ADA: variants seen among roughly 807,000 people sequenced by gnomAD.
The protein encoded by ADA is adenosine deaminase, also known as adenosine aminohydrolase.
In ADA, 45 loss-of-function variants were observed where a neutral mutation model predicts 49.0. The observed-to-expected ratio is 0.92, with a 90% confidence interval of 0.72 to 1.18. ADA has a LOEUF of 1.18. Among genes scored for constraint, ADA ranks in the 50% most tolerant of loss-of-function variants. The pLI, the probability that ADA is intolerant of heterozygous loss-of-function variation, is 0.00. For synonymous variants in ADA, 173 were observed against 184.2 expected (o/e 0.94, Z 0.49); for missense variants, 445 against 472.5 (o/e 0.94, Z 0.54).
intron 10 of ADA, 55 bp from the exon 11 acceptor site, chr20:44,620,456 C>T: frequency 6.9e-7 from 1 of 1,445,242 alleles, no homozygotes; most frequent in South Asian, 1.1e-5. Context: ...GAAGGCAGCT[C>T]TTAGCAATGT....
intron 3 of ADA, among the ~76,000 whole-genome samples, chr20:44,628,557 A>AAATG (rs2065404047): frequency 7.0e-6 from 1 of 142,422 alleles, no homozygotes; most frequent in African/African-American, 2.7e-5. Context: ...ATAAATAAAT[A>AAATG]AATAAAGCAG....
chr20:44,648,691 G>C (rs897853142), intron 1 of ADA, among the ~76,000 whole-genome samples: 5 of 151,926 alleles, frequency 3.3e-5, no homozygotes, highest in Non-Finnish European at 1.5e-5. Flanking sequence ...TCTTGAACCT[G>C]GTGCTATATC....
chr20:44,620,842 G>T, intron 10 of ADA, 176 bp downstream of exon 10: 1 of 849,420 alleles, frequency 1.2e-6, no homozygotes, highest in Non-Finnish European at 1.9e-6. Flanking sequence ...CCTGGTCCTA[G>T]GTCAGGACGT....
chr20:44,644,170 C>A (rs199802398), intron 1 of ADA, among the ~76,000 whole-genome samples: 1 of 2,888 alleles, frequency 3.5e-4, no homozygotes, highest in Non-Finnish European at 1.1e-3. Flanking sequence ...GAGGTAGACG[C>A]CCTGCTCGCC....
At chr20:44,642,612 G>A (rs2065547458) in intron 1 of ADA, among the ~76,000 whole-genome samples, 1 of 152,118 alleles carries the variant, frequency 6.6e-6, no homozygotes, top group South Asian at 2.1e-4. Flanking sequence ...TGGAGAGGGG[G>A]CAGGGAGATT....
intron 1 of ADA, among the ~76,000 whole-genome samples, chr20:44,642,632 G>A (rs574952545): frequency 5.3e-5 from 8 of 152,248 alleles, no homozygotes; most frequent in South Asian, 2.1e-4. Context: ...TGCAGAGGCC[G>A]AAGCAAAGGG....
chr20:44,649,551 G>C (rs984626185), intron 1 of ADA, among the ~76,000 whole-genome samples: 6 of 151,832 alleles, frequency 4.0e-5, no homozygotes, highest in Admixed American at 2.6e-4. Context: ...TGATCTGCCA[G>C]CTTGAATCAG....
chr20:44,645,779 A>C (rs1318171427), intron 1 of ADA, among the ~76,000 whole-genome samples: 1 of 152,164 alleles, frequency 6.6e-6, no homozygotes, highest in Non-Finnish European at 1.5e-5. Context: ...GGCACCGTGA[A>C]GTTAAATGAC....
intron 2 of ADA, chr20:44,636,011 T>C (rs1419236616): frequency 1.7e-6 from 1 of 587,566 alleles, no homozygotes. Context: ...AGGACAAGAC[T>C]CAGAGGCCCA....
At chr20:44,626,430 T>C in intron 4 of ADA, 26 bp downstream of exon 4, 1 of 1,613,168 alleles carries the variant, frequency 6.2e-7, no homozygotes, top group Non-Finnish European at 8.5e-7. Context: ...ACCCTCAGCA[T>C]GGCCCCTTCC....
At position 44,629,029 on chromosome 20, in the gene ADA, G is replaced by A. The variant is rs1222610521; in HGVS notation, c.218+18C>T. 1 of 1,614,020 alleles carries A rather than the reference G, an allele frequency of 6.2e-7. No individual in the cohort carries two copies. Among genetic ancestry groups the A allele is most frequent in the Non-Finnish European group, 8.5e-7 (1 of 1,180,036 alleles). ...GGATCAATGCTGCCCTAGGACCTGT[G>A]GGTTGGGGGCAACTCACGCGATAGC... On this transcript the variant is annotated intron_variant, in intron 3 of 11. Coordinates refer to ENST00000372874, the MANE Select transcript of ADA (RefSeq NM_000022.4).
At chr20:44,633,210 C>G (rs1281135669) in intron 2 of ADA, among the ~76,000 whole-genome samples, 1 of 152,216 alleles carries the variant, frequency 6.6e-6, no homozygotes, top group Non-Finnish European at 1.5e-5. Flanking sequence ...CTCTAAGGCC[C>G]TTGGTGCCCT....
At chr20:44,620,736 A>G (rs2065322307) in intron 10 of ADA, 1 of 563,920 alleles carries the variant, frequency 1.8e-6, no homozygotes, top group Non-Finnish European at 3.2e-6. Flanking sequence ...AGAGTGTGCA[A>G]GACTTCATAG....
chr20:44,629,594 G>A (rs774685104), intron 2 of ADA, among the ~76,000 whole-genome samples: 1 of 152,228 alleles, frequency 6.6e-6, no homozygotes, highest in Non-Finnish European at 1.5e-5. Context: ...ATCAGGGGCA[G>A]TAACTGCAGC....
intron 2 of ADA, 91 bp from the exon 3 acceptor site, chr20:44,629,260 C>A: frequency 6.3e-7 from 1 of 1,581,644 alleles, no homozygotes; most frequent in South Asian, 1.1e-5. Context: ...GGAGCGCCAG[C>A]CTCCTTGCAG....
At chr20:44,619,916 A>G in intron 11 of ADA, 69 bp from the exon 12 acceptor site, 2 of 1,594,256 alleles carry the variant, frequency 1.3e-6, no homozygotes, top group Non-Finnish European at 1.7e-6. Flanking sequence ...TAAAAATCAT[A>G]GAACACCAGA....
At chr20:44,643,682 C>T (rs1052307134) in intron 1 of ADA, among the ~76,000 whole-genome samples, 3 of 152,168 alleles carry the variant, frequency 2.0e-5, no homozygotes, top group Non-Finnish European at 4.4e-5. Context: ...CGAGACAGTG[C>T]CTGGCCTCCT....
intron 2 of ADA, among the ~76,000 whole-genome samples, chr20:44,629,417 AGTGTG>A (rs2065412803): frequency 2.0e-5 from 3 of 150,280 alleles, no homozygotes; most frequent in South Asian, 2.1e-4. Flanking sequence ...AACAGGTTGA[AGTGTG>A]TGTGTGTGTG....
chr20:44,632,680 CCT>C (rs754755011), intron 2 of ADA, among the ~76,000 whole-genome samples: 24 of 152,118 alleles, frequency 1.6e-4, no homozygotes, highest in Non-Finnish European at 2.8e-4. Context: ...ATAGGGCCAC[CCT>C]CTGTTTTTTC....
Sources: gnomAD v4.1 joint callset for allele counts (sites outside exome capture counted in the v4.1 genomes callset) on GRCh38, gnomAD v4.1.1 for gene constraint, MANE v1.5 for transcripts, NCBI Gene and HGNC (gene_info 2026-07-23, HGNC 2026-07-21) for gene names.